UBN1: variants seen among roughly 807,000 people sequenced by gnomAD.
UBN1 encodes the protein ubinuclein 1, also known as ubinuclein-1.
UBN1 carries 17 observed loss-of-function variants against 108.5 expected under a neutral mutation model. The ratio of observed to expected loss-of-function variants is 0.16; its 90% CI spans 0.11 to 0.24. The LOEUF (loss-of-function observed/expected upper bound fraction) is 0.24. Ranked by LOEUF, UBN1 falls within the 10% of genes least tolerant of loss-of-function variation. The pLI is 1.00. For missense variants in UBN1, 1,595 were observed against 1,394.4 expected, an observed-to-expected ratio of 1.14 and a Z score of -2.29; for synonymous variants, 726 against 564.2, an observed-to-expected ratio of 1.29 and a Z score of -4.07.
chr16:4,871,069 C>T lies in UBN1; in HGVS notation c.1560-86C>T, dbSNP rs868052229. ...GACAAAGGTTAGGCTCATTTACTTT[C>T]ATCAGGGCTGCTGAAAGCACATGAT... On this transcript the variant is annotated intron_variant, in intron 11 of 17. Transcript: ENST00000262376. 15 of 1,602,494 alleles carry T rather than the reference C, an allele frequency of 9.4e-6. 1 individual carries two copies. The Admixed American group carries it at 2.2e-4, about 24-fold the overall frequency.
In UBN1 at chr16:4,853,175, C is replaced by T. The variant is rs753477451; in HGVS notation, c.249+9C>T. On this transcript the variant is annotated intron_variant, in intron 2 of 17. Transcript: ENST00000262376. ...TTCAGCCTGGAGATAAGGTACACCC[C>T]TTTGTTCCCAGAGGCGCTGCAGGTT... 2.5e-6 allele frequency: 4 copies of T among 1,613,588 alleles called. No individual in the cohort carries two copies. The highest frequency in any genetic ancestry group is 1.3e-5 in the African/African-American group (1 of 74,894).
chr16:4,872,440 C>G (rs1183578562), intron 12 of UBN1: 2 of 148,990 alleles, frequency 1.3e-5, no homozygotes, highest in Non-Finnish European at 1.8e-5. Flanking sequence ...ATCCATTGAC[C>G]TTTTTTTTTG....
intron 7 of UBN1, among the ~76,000 whole-genome samples, chr16:4,861,696 C>T (rs373903900): frequency 6.6e-6 from 1 of 152,240 alleles, no homozygotes; most frequent in African/African-American, 2.4e-5. Flanking sequence ...AATCCCAGCA[C>T]TTTGGGAGGC....
In UBN1 at chr16:4,870,281, C is replaced by T. The variant is rs763420870; in HGVS notation, c.1251C>T (p.Phe417=). The part of the protein sequence containing the change: ...RSGVYAYLAS[F]LPCSKDALLK... ...GGGTGTATGCCTATCTTGCGTCATT[C>T]CTGCCCTGCAGCAAGGATGCCCTGC... Residue 417 remains phenylalanine, a synonymous_variant, in exon 9 of 18, where the codon TTC becomes TTT. Transcript: ENST00000262376. 7 of 1,614,092 alleles carry T rather than the reference C, an allele frequency of 4.3e-6. No individual in the cohort carries two copies. In the African/African-American group the frequency reaches 8.0e-5, roughly 18 times the overall value.
chr16:4,853,417 C>T (rs1407161886), intron 2 of UBN1, among the ~76,000 whole-genome samples: 2 of 152,092 alleles, frequency 1.3e-5, no homozygotes, highest in African/African-American at 4.8e-5. Flanking sequence ...AGGTTATAAA[C>T]GTTATGTGTA....
rs200527219 is a variant in UBN1 at position 4,860,669 on chromosome 16, C to T, written c.677C>T (p.Thr226Ile). ...KKSKFSKAGF[T>I]ALNASKEKKK... ...AGTTTCCCTCTTGCTTGCAGCTTCACAGCCCTCAATGCCAGTAAGGAGAAG... is the reference window on the plus strand; with the variant it reads ...AGTTTCCCTCTTGCTTGCAGCTTCATAGCCCTCAATGCCAGTAAGGAGAAG... Residue 226 changes from threonine to isoleucine, a missense_variant, in exon 7 of 18, where the codon ACA becomes ATA. By Grantham distance (89) the Thr-to-Ile change is moderately conservative. Coordinates refer to ENST00000262376, the MANE Select transcript of UBN1 (RefSeq NM_001079514.3). The T allele has an allele frequency of 5.0e-6, 8 of 1,609,910 alleles. No homozygotes were observed. The African/African-American group carries it at 1.1e-4, about 22-fold the overall frequency.
intron 17 of UBN1, among the ~76,000 whole-genome samples, chr16:4,878,256 G>A (rs17771656): frequency 0.2 from 29,802 of 151,972 alleles, 3,247 homozygotes; most frequent in Middle Eastern, 0.33. Context: ...GTCTCATGGT[G>A]TCTCAGCTTT....
At position 4,881,340 on chromosome 16, in the gene UBN1, G is replaced by A. The variant is rs368460336; in HGVS notation, c.*1208G>A. On this transcript the variant is annotated 3_prime_UTR_variant, in exon 18 of 18. Coordinates refer to ENST00000262376, the MANE Select transcript of UBN1 (RefSeq NM_001079514.3). ...TGAAGGGTGATGTGCAGAAGAGCTT[G>A]GAGAGTGGATCAGAGAGACTAGGAC... 2.0e-5 allele frequency: 3 copies of A among 152,508 alleles called. No homozygotes were observed. The East Asian group carries it at 5.8e-4, about 29-fold the overall frequency. 9.4% of individuals were successfully genotyped at this position (152,508 alleles called of 1,614,324 possible).
In UBN1 at chr16:4,877,893, T is replaced by C. The variant is rs1476205381; in HGVS notation, c.3355+419T>C. The C allele has an allele frequency of 1.1e-6, 1 of 935,124 alleles. No homozygotes were observed. 57.9% of individuals were successfully genotyped at this position (935,124 alleles called of 1,614,324 possible). A position where few individuals can be genotyped will look rare whatever the true frequency, so the allele number is the denominator to read the frequency against. On this transcript the variant is annotated intron_variant, in intron 17 of 17. Transcript: ENST00000262376. The surrounding 1 kb of genome is among the most constrained non-coding windows in gnomAD (Gnocchi z 4.3). ...GAATGCAAGCTGCTCCACTGTCAGA[T>C]GTGATTGCTTAACAGAAGGCTCTCT...
intron 1 of UBN1, 71 bp downstream of exon 1, chr16:4,848,281 G>A (rs970982357): frequency 2.0e-5 from 3 of 152,252 alleles, no homozygotes; most frequent in Non-Finnish European, 2.9e-5. Flanking sequence ...AAAAAGTTGT[G>A]ACAACAGGAA....
intron 1 of UBN1, chr16:4,852,589 T>G (rs2086609767): frequency 5.7e-6 from 1 of 175,560 alleles, no homozygotes; most frequent in Non-Finnish European, 1.2e-5. Context: ...ATTTTAGTAG[T>G]CTTTACAATT....
chr16:4,857,504 A>C (rs953142900), intron 2 of UBN1, among the ~76,000 whole-genome samples: 7 of 152,132 alleles, frequency 4.6e-5, no homozygotes, highest in Non-Finnish European at 1.0e-4. Context: ...CACCGAGAGA[A>C]GTGCAAATTC....
intron 1 of UBN1, among the ~76,000 whole-genome samples, chr16:4,851,299 T>C (rs2086544869): frequency 6.6e-6 from 1 of 152,070 alleles, no homozygotes; most frequent in Admixed American, 6.6e-5. Flanking sequence ...ACAACGTCCC[T>C]ACAAAAAATA....
At chr16:4,863,659 C>T (rs2087175913) in intron 7 of UBN1, among the ~76,000 whole-genome samples, 2 of 152,068 alleles carry the variant, frequency 1.3e-5, no homozygotes, top group African/African-American at 4.8e-5. Flanking sequence ...GACTTTACAT[C>T]TTGGCCCTAG....
chr16:4,856,839 A>G (rs554354773), intron 2 of UBN1, among the ~76,000 whole-genome samples: 4 of 152,346 alleles, frequency 2.6e-5, no homozygotes, highest in East Asian at 3.9e-4. Context: ...CATTTGAGGT[A>G]TGATCGTTAG....
chr16:4,861,531 C>A (rs1043087281), intron 7 of UBN1, among the ~76,000 whole-genome samples: 2 of 152,254 alleles, frequency 1.3e-5, no homozygotes, highest in African/African-American at 4.8e-5. Flanking sequence ...TTCGTTGCCA[C>A]TAGGTTTCAG....
Position 4,874,577 on chromosome 16 carries a change from CCTT to C in UBN1, c.2170_2172del (p.Ser724del), listed in dbSNP as rs761358839. ...AAAAAGGAACTTTGCGAAGCCTAGT[CCTT>C]CTGCTCCACCACCAGCTAGCTCTCT... On this transcript the variant is annotated inframe_deletion, in exon 15 of 18. Coordinates refer to ENST00000262376, the MANE Select transcript of UBN1 (RefSeq NM_001079514.3). 1 of 1,614,252 alleles carries C rather than the reference CCTT, an allele frequency of 6.2e-7. No individual in the cohort carries two copies. The highest frequency in any genetic ancestry group is 8.5e-7 in the Non-Finnish European group (1 of 1,180,054).
rs566877076 is a variant in UBN1 at position 4,870,548 on chromosome 16, C to T, written c.1344C>T (p.Leu448=). ...GTCTGAAGGAGCCTCTCCAGAAGCT[C>T]AAGGAAGCCATTGGCAGGGCGATGC... ...GGRLKEPLQK[L]KEAIGRAMPE... is the part of the protein sequence containing the mutation. The change falls in exon 10 of 18, where the codon CTC becomes CTT. Residue 448 remains leucine, a synonymous_variant. Transcript: ENST00000262376. 2 of 1,614,252 alleles carry T rather than the reference C, an allele frequency of 1.2e-6. No individual in the cohort carries two copies. The highest frequency in any genetic ancestry group is 1.7e-6 in the Non-Finnish European group (2 of 1,180,044).
intron 12 of UBN1, chr16:4,872,183 C>T (rs1280792341): frequency 1.1e-5 from 11 of 984,908 alleles, no homozygotes; most frequent in Admixed American, 6.2e-5. Context: ...GTCCTCTCTA[C>T]GTAGGCTGGA....
Sources: allele counts gnomAD v4.1 joint callset (sites outside exome capture counted in the v4.1 genomes callset), GRCh38; gene constraint gnomAD v4.1.1; non-coding constraint Gnocchi (gnomAD v3.1); transcripts MANE v1.5; gene names NCBI Gene and HGNC (gene_info 2026-07-23, HGNC 2026-07-21).